ANKIB1: variants seen among roughly 807,000 people sequenced by gnomAD.
The protein encoded by ANKIB1 is ankyrin repeat and IBR domain-containing protein 1.
In ANKIB1, 43 loss-of-function variants were observed where a neutral mutation model predicts 122.1. The ratio of observed to expected loss-of-function variants is 0.35; its 90% CI spans 0.28 to 0.45. ANKIB1 has a LOEUF of 0.45. ANKIB1 is among the 20% of genes least tolerant of loss of function. The probability of loss-of-function intolerance (pLI) is 1.00; values close to 1 mark genes in which losing one functional copy is unlikely to be tolerated. For missense variants in ANKIB1, 992 were observed against 1,329.5 expected (o/e 0.75, Z 3.95); for synonymous variants, 390 against 442.0 (o/e 0.88, Z 1.48).
At chr7:92,374,280 C>T (rs1306049725) in intron 11 of ANKIB1, among the ~76,000 whole-genome samples, 2 of 152,090 alleles carry the variant, frequency 1.3e-5, no homozygotes, top group African/African-American at 4.8e-5. Flanking sequence ...AGTTTGAGAC[C>T]ATCCTGGCCA....
At chr7:92,257,485 G>C (rs1801472433) in intron 1 of ANKIB1, among the ~76,000 whole-genome samples, 1 of 152,148 alleles carries the variant, frequency 6.6e-6, no homozygotes, top group African/African-American at 2.4e-5. Context: ...TTTCCGGAAA[G>C]CAATTATAAA....
intron 6 of ANKIB1, among the ~76,000 whole-genome samples, chr7:92,344,193 G>GTTTTTTTTTTTTTTT (rs67933063): frequency 2.0e-5 from 2 of 97,674 alleles, no homozygotes; most frequent in Non-Finnish European, 3.9e-5. Context: ...TGTGTTTTTG[G>GTTTTTTTTTTTTTTT]TTTTTTTTTT....
At chr7:92,308,279 T>C (rs958689551) in intron 3 of ANKIB1, among the ~76,000 whole-genome samples, 3 of 152,180 alleles carry the variant, frequency 2.0e-5, no homozygotes, top group African/African-American at 7.2e-5. Flanking sequence ...TAAAAATTTG[T>C]TGATATCTCT....
intron 15 of ANKIB1, 34 bp from the exon 16 acceptor site, chr7:92,391,132 C>G (rs557820213): frequency 6.5e-7 from 1 of 1,539,504 alleles, no homozygotes; most frequent in African/African-American, 1.4e-5. Context: ...ACCTATGAAG[C>G]CTGTGATTTT....
At chr7:92,337,012 A>G (rs909713035) in intron 5 of ANKIB1, among the ~76,000 whole-genome samples, 6 of 152,180 alleles carry the variant, frequency 3.9e-5, no homozygotes, top group African/African-American at 2.4e-5. Context: ...GGGCTATCCT[A>G]TCATTTGTAA....
In ANKIB1 at chr7:92,299,318, A is replaced by G. The variant is rs781091518; in HGVS notation, c.188+4152A>G. Among the ~76,000 whole-genome samples the G allele has an allele frequency of 3.3e-5, 5 of 152,228 alleles. No individual in the cohort carries two copies. In the South Asian group the frequency reaches 1.0e-3, roughly 32 times the overall value. ...TCAGTAAATCAATATTTTTGAGAAG[A>G]TCAGTGTATGATTTTTAAAAATTAT... On this transcript the variant is annotated intron_variant, in intron 2 of 19. Transcript: ENST00000265742.
intron 2 of ANKIB1, among the ~76,000 whole-genome samples, chr7:92,298,320 G>A (rs1232804716): frequency 1.3e-5 from 2 of 151,586 alleles, no homozygotes; most frequent in African/African-American, 4.8e-5. Context: ...GGATACTTCA[G>A]TAATATTTAA....
intron 4 of ANKIB1, 157 bp downstream of exon 4, chr7:92,319,669 C>G: frequency 1.3e-6 from 1 of 745,818 alleles, no homozygotes; most frequent in Non-Finnish European, 2.1e-6. Context: ...AAAAATACAT[C>G]TAGGCCAACC....
intron 1 of ANKIB1, among the ~76,000 whole-genome samples, chr7:92,290,395 G>A (rs905102123): frequency 2.6e-5 from 4 of 151,030 alleles, no homozygotes; most frequent in African/African-American, 9.8e-5. Flanking sequence ...GTGTGTGTGT[G>A]TGTGTGTGTA....
chr7:92,323,957 C>T (rs1428421502), intron 4 of ANKIB1, among the ~76,000 whole-genome samples: 2 of 152,214 alleles, frequency 1.3e-5, no homozygotes, highest in African/African-American at 2.4e-5. Context: ...ACCTGGTTAG[C>T]AGGTTTAACC....
chr7:92,370,286 A>T (rs1027674112), intron 10 of ANKIB1, among the ~76,000 whole-genome samples: 24 of 151,926 alleles, frequency 1.6e-4, no homozygotes, highest in Admixed American at 1.6e-3. Context: ...AGGCGGGCGG[A>T]TCACGAGGTC....
chr7:92,319,147 A>G (rs1035388271), intron 3 of ANKIB1, among the ~76,000 whole-genome samples, 183 bp from the exon 4 acceptor site: 1 of 151,946 alleles, frequency 6.6e-6, no homozygotes, highest in Admixed American at 6.6e-5. Flanking sequence ...AAGAATTACT[A>G]ATCTTAAAAT....
At chr7:92,383,436 A>G (rs1204475710) in intron 11 of ANKIB1, among the ~76,000 whole-genome samples, 3 of 152,160 alleles carry the variant, frequency 2.0e-5, no homozygotes, top group Non-Finnish European at 2.9e-5. Flanking sequence ...GAGGCACAAC[A>G]AAAAAAGAGA....
At position 92,398,164 on chromosome 7, in the gene ANKIB1, G is replaced by GT. The variant is rs751297967; in HGVS notation, c.2533-41dup. On this transcript the variant is annotated intron_variant, in intron 19 of 19. Coordinates refer to ENST00000265742, the MANE Select transcript of ANKIB1 (RefSeq NM_019004.2). ...TGGTAAACCTGATTGAGTTAAATCA[G>GT]TTTTTTTCAGTCAAATTTTAAAGTG... 5.3e-6 allele frequency: 8 copies of GT among 1,521,434 alleles called. No homozygotes were observed. In the African/African-American group the frequency reaches 9.8e-5, roughly 19 times the overall value. The allele number at this position is 1,521,434 out of a possible 1,614,324, so 94.2% of individuals were successfully genotyped here. A position where few individuals can be genotyped will look rare whatever the true frequency, so the allele number is the denominator to read the frequency against.
intron 1 of ANKIB1, among the ~76,000 whole-genome samples, chr7:92,256,932 G>A (rs1003068291): frequency 6.6e-6 from 1 of 152,230 alleles, no homozygotes; most frequent in Non-Finnish European, 1.5e-5. Flanking sequence ...GCTCACGCCT[G>A]TAATCCTGGC....
chr7:92,371,845 G>T (rs540410331), intron 11 of ANKIB1, among the ~76,000 whole-genome samples: 2 of 152,102 alleles, frequency 1.3e-5, no homozygotes, highest in African/African-American at 4.8e-5. Context: ...AAAGGTAAGT[G>T]TAAGAACCTA....
chr7:92,365,453 T>A (rs1230469689), intron 10 of ANKIB1, among the ~76,000 whole-genome samples: 4 of 152,226 alleles, frequency 2.6e-5, no homozygotes, highest in Admixed American at 2.6e-4. Flanking sequence ...AAATAATTCA[T>A]ACAATCACTT....
intron 11 of ANKIB1, among the ~76,000 whole-genome samples, chr7:92,381,213 C>T (rs866309616): frequency 2.6e-4 from 40 of 152,050 alleles, no homozygotes; most frequent in African/African-American, 9.7e-4. Context: ...AAGAAATGAA[C>T]GAAGCCTCCA....
At chr7:92,311,881 A>G (rs1402352174) in intron 3 of ANKIB1, among the ~76,000 whole-genome samples, 2 of 152,056 alleles carry the variant, frequency 1.3e-5, no homozygotes, top group Non-Finnish European at 2.9e-5. Context: ...TTCATGCTAT[A>G]TTGTTGCCTG....
Sources: gnomAD v4.1 joint callset for allele counts (sites outside exome capture counted in the v4.1 genomes callset) on GRCh38, gnomAD v4.1.1 for gene constraint, MANE v1.5 for transcripts, NCBI Gene and HGNC (gene_info 2026-07-23, HGNC 2026-07-21) for gene names.